Variants in HDX observed in about 807,000 individuals in gnomAD.
HDX encodes chromosome X open reading frame 43.
A neutral mutation model predicts 45.2 loss-of-function variants in HDX; 19 were observed. The ratio of observed to expected loss-of-function variants is 0.42; its 90% CI spans 0.29 to 0.62. The LOEUF (loss-of-function observed/expected upper bound fraction) is 0.62. HDX is among the 20% of genes least tolerant of loss of function. The pLI, the probability that HDX is intolerant of heterozygous loss-of-function variation, is 0.20. For missense variants in HDX, 532 were observed against 493.9 expected, an observed-to-expected ratio of 1.08 and a Z score of -0.73; for synonymous variants, 188 against 172.8, an observed-to-expected ratio of 1.09 and a Z score of -0.69.
chrX:84,441,312 C>T (rs890399513), intron 4 of HDX, among the ~76,000 whole-genome samples: 3 of 111,436 alleles, frequency 2.7e-5, no homozygotes, highest in African/African-American at 9.7e-5. Flanking sequence ...CTATAAACTA[C>T]TTAAACACAT....
At chrX:84,440,670 A>G in intron 4 of HDX, 85 bp from the exon 5 acceptor site, 1 of 565,763 alleles carries the variant, frequency 1.8e-6, no homozygotes, top group Non-Finnish European at 3.0e-6. Context: ...TTCACACACT[A>G]TTTCAAGATA....
chrX:84,455,198 C>G (rs1474980834), intron 4 of HDX, among the ~76,000 whole-genome samples: 1 of 111,478 alleles, frequency 9.0e-6, no homozygotes, highest in Non-Finnish European at 1.9e-5. Flanking sequence ...TCAAGGCCAT[C>G]CAGGAAAACA....
At chrX:84,397,756 G>A (rs1832754003) in intron 5 of HDX, among the ~76,000 whole-genome samples, 1 of 111,756 alleles carries the variant, frequency 8.9e-6, no homozygotes, top group Non-Finnish European at 1.9e-5. Context: ...GTCTCTATAA[G>A]CCATCTTGAA....
chrX:84,385,503 G>A (rs774154220), intron 5 of HDX, among the ~76,000 whole-genome samples: 4 of 110,321 alleles, frequency 3.6e-5, no homozygotes, highest in Non-Finnish European at 5.7e-5. Flanking sequence ...GTGAGCCACC[G>A]CGCCCGGCCT....
At chrX:84,476,675 G>C in intron 2 of HDX, among the ~76,000 whole-genome samples, 1 of 111,106 alleles carries the variant, frequency 9.0e-6, no homozygotes, top group South Asian at 3.8e-4. Context: ...CCAGCATACT[G>C]TGTATGGAAA....
intron 4 of HDX, among the ~76,000 whole-genome samples, chrX:84,452,679 C>A (rs945324942): frequency 9.0e-6 from 1 of 111,091 alleles, no homozygotes; most frequent in South Asian, 3.8e-4. Context: ...AAATCCACAA[C>A]GGGAATAAGG....
intron 5 of HDX, among the ~76,000 whole-genome samples, chrX:84,376,460 T>C (rs1320191210): frequency 8.9e-6 from 1 of 111,787 alleles, no homozygotes; most frequent in Non-Finnish European, 1.9e-5. Flanking sequence ...AGGACTTGAC[T>C]CTTCTATGAA....
chrX:84,349,403 A>ATATG (rs1229240400), intron 6 of HDX, among the ~76,000 whole-genome samples: 40 of 68,492 alleles, frequency 5.8e-4, no homozygotes, highest in Admixed American at 2.5e-3. Flanking sequence ...ATATATATAT[A>ATATG]TGTGTGTGTG....
At chrX:84,324,139 G>A (rs192672289) in intron 10 of HDX, among the ~76,000 whole-genome samples, 4 of 111,417 alleles carry the variant, frequency 3.6e-5, no homozygotes, top group South Asian at 3.7e-4. Context: ...AAAATCTTTG[G>A]GTAATCTAGT....
chrX:84,455,756 G>A (rs1182738710), intron 4 of HDX, among the ~76,000 whole-genome samples: 1 of 111,442 alleles, frequency 9.0e-6, no homozygotes, highest in African/African-American at 3.3e-5. Flanking sequence ...AGCCAAATAA[G>A]ACTACCACAA....
intron 1 of HDX, among the ~76,000 whole-genome samples, chrX:84,493,528 A>G (rs1044750200): frequency 8.9e-6 from 1 of 112,101 alleles, no homozygotes; most frequent in Non-Finnish European, 1.9e-5. Flanking sequence ...CATACTCCAC[A>G]TAAATATATG....
intron 4 of HDX, among the ~76,000 whole-genome samples, chrX:84,455,902 C>T: frequency 8.9e-6 from 1 of 112,043 alleles, no homozygotes; most frequent in Middle Eastern, 4.6e-3. Flanking sequence ...CCTTACTTGC[C>T]AGGAGACAGT....
rs188702164 is a variant in HDX, at chrX:84,380,046, A to T, written c.1306-18434T>A. Among the ~76,000 whole-genome samples the T allele has an allele frequency of 7.9e-3, 882 of 111,448 alleles. 3 individuals are homozygous for T. The highest frequency in any genetic ancestry group is 0.028 in the Middle Eastern group (6 of 212). On this transcript the variant is annotated intron_variant, in intron 5 of 10. Transcript: ENST00000373177. ...AGTGAAAAAGAAGACAGTACAACTC[A>T]TACTGCAGAAATTCAAAAGATCACT...
intron 4 of HDX, among the ~76,000 whole-genome samples, chrX:84,459,315 G>A (rs910079058): frequency 3.8e-4 from 42 of 109,887 alleles, no homozygotes; most frequent in African/African-American, 1.2e-3. Context: ...GGTGGCGGGC[G>A]CCTGTAGTCC....
chrX:84,446,639 C>T (rs2039880769), intron 4 of HDX, among the ~76,000 whole-genome samples: 1 of 111,118 alleles, frequency 9.0e-6, no homozygotes, highest in Non-Finnish European at 1.9e-5. Flanking sequence ...AGATGAAGGC[C>T]TAGGTAGCTA....
At chrX:84,430,552 G>A (rs963855655) in intron 5 of HDX, among the ~76,000 whole-genome samples, 2 of 110,576 alleles carry the variant, frequency 1.8e-5, no homozygotes, top group Non-Finnish European at 3.8e-5. Flanking sequence ...GGAATCGCTG[G>A]ATCATATAGT....
chrX:84,368,558 TTGAC>T (rs1315682976), intron 5 of HDX, among the ~76,000 whole-genome samples: 2 of 112,051 alleles, frequency 1.8e-5, no homozygotes, highest in African/African-American at 3.2e-5. Context: ...AAAAATTAAT[TTGAC>T]TGATGTATTT....
chrX:84,451,817 G>T (rs1309980002), intron 4 of HDX, among the ~76,000 whole-genome samples: 1 of 111,598 alleles, frequency 9.0e-6, no homozygotes, highest in Non-Finnish European at 1.9e-5. Context: ...ACATCAAAAA[G>T]TTAATACAAA....
intron 2 of HDX, among the ~76,000 whole-genome samples, chrX:84,487,258 AAGGGAGCAT>A (rs1351553443): frequency 5.4e-5 from 6 of 112,146 alleles, no homozygotes; most frequent in African/African-American, 1.9e-4. Context: ...ATTTTCATCT[AAGGGAGCAT>A]AGTTATAGTA....
Sources: allele counts gnomAD v4.1 joint callset (sites outside exome capture counted in the v4.1 genomes callset), GRCh38; gene constraint gnomAD v4.1.1; transcripts MANE v1.5; gene names NCBI Gene and HGNC (gene_info 2026-07-23, HGNC 2026-07-21).